GPHN: variants seen among roughly 807,000 people sequenced by gnomAD.
GPHN encodes the protein gephyrin.
A neutral mutation model predicts 95.5 loss-of-function variants in GPHN; 17 were observed. The observed-to-expected ratio is 0.18, with a 90% confidence interval of 0.12 to 0.27. The LOEUF is 0.27. Among genes scored for constraint, GPHN ranks in the 10% least tolerant of loss-of-function variants. The pLI is 1.00. For synonymous variants in GPHN, 320 were observed against 322.5 expected (o/e 0.99, Z 0.08); for missense variants, 660 against 978.1 (o/e 0.67, Z 4.34).
intron 2 of GPHN, among the ~76,000 whole-genome samples, chr14:66,725,866 GGT>G (rs1261347202): frequency 3.9e-5 from 6 of 152,210 alleles, no homozygotes; most frequent in Admixed American, 3.3e-4. Flanking sequence ...ATGCATGCCT[GGT>G]ATTGAAAAAA....
intron 1 of GPHN, among the ~76,000 whole-genome samples, chr14:66,627,153 A>T (rs2063556985): frequency 6.6e-6 from 1 of 152,046 alleles, no homozygotes; most frequent in Non-Finnish European, 1.5e-5. Flanking sequence ...AAGAAATAAA[A>T]CATTACAGAT....
intron 1 of GPHN, among the ~76,000 whole-genome samples, chr14:66,514,897 A>G (rs1328966508): frequency 1.3e-5 from 2 of 152,070 alleles, no homozygotes; most frequent in Non-Finnish European, 2.9e-5. Flanking sequence ...GGTGTAGCTT[A>G]AAAAGGATAG....
At chr14:66,709,226 C>A in intron 2 of GPHN, 2 of 350,976 alleles carry the variant, frequency 5.7e-6, no homozygotes, top group Non-Finnish European at 1.2e-5. Flanking sequence ...CTTTTCTAAA[C>A]AACCATTCTT....
the GPHN span, among the ~76,000 whole-genome samples, chr14:67,519,720 T>TG: frequency 6.6e-6 from 1 of 151,616 alleles, no homozygotes; most frequent in Non-Finnish European, 1.5e-5. Flanking sequence ...GTTTGTTTTT[T>TG]TTTTTTTTTA....
the GPHN span, chr14:67,473,260 A>G: frequency 5.1e-6 from 5 of 988,594 alleles, no homozygotes; most frequent in Non-Finnish European, 7.3e-6. This position sits in a 1 kb window ranked among gnomAD's most constrained non-coding sequence, Gnocchi z 6.5. Flanking sequence ...CGGCCCCCCA[A>G]CACCGGCCCC....
intron 4 of GPHN, among the ~76,000 whole-genome samples, chr14:66,853,069 C>T (rs2062660198): frequency 6.6e-6 from 1 of 152,168 alleles, no homozygotes; most frequent in South Asian, 2.1e-4. Flanking sequence ...GAACCACAGG[C>T]ACTTGATTTT....
At chr14:67,402,110 G>C in the GPHN span, among the ~76,000 whole-genome samples, 1 of 152,078 alleles carries the variant, frequency 6.6e-6, no homozygotes, top group Non-Finnish European at 1.5e-5. Context: ...CTCCAGCCTG[G>C]GTGACAGAGG....
chr14:66,716,451 GTTCT>G (rs58951730), intron 2 of GPHN, among the ~76,000 whole-genome samples: 50,055 of 151,692 alleles, frequency 0.33, 12,157 homozygotes, highest in African/African-American at 0.67. Flanking sequence ...CCATTCTGCA[GTTCT>G]TTCTGTCTTT....
At chr14:66,552,709 C>G (rs2059859151) in intron 1 of GPHN, among the ~76,000 whole-genome samples, 1 of 152,194 alleles carries the variant, frequency 6.6e-6, no homozygotes, top group African/African-American at 2.4e-5. Context: ...AATTCTAGGT[C>G]GATAGCCTTC....
At chr14:66,916,113 G>T in intron 6 of GPHN, 44 bp downstream of exon 6, 2 of 1,307,028 alleles carry the variant, frequency 1.5e-6, no homozygotes, top group South Asian at 1.2e-5. Flanking sequence ...AAGAGCTTTT[G>T]ACCAGCCGTG....
Position 66,815,536 on chromosome 14 carries a change from T to C in GPHN, c.202-8938T>C, listed in dbSNP as rs544633048. ...TCAGTATTCTTAAAAAGAATTCCAA[T>C]CCAGAATTTCATATCCATCCAAACT... On this transcript the variant is annotated intron_variant, in intron 3 of 22. Transcript: ENST00000478722. Among the ~76,000 whole-genome samples the C allele has an allele frequency of 2.0e-5, 3 of 152,166 alleles. No homozygotes were observed. In the South Asian group the frequency reaches 6.2e-4, roughly 32 times the overall value.
At chr14:66,738,893 G>T (rs551825580) in intron 2 of GPHN, among the ~76,000 whole-genome samples, 1 of 151,946 alleles carries the variant, frequency 6.6e-6, no homozygotes, top group South Asian at 2.1e-4. Context: ...TATAATACCA[G>T]GAAATTGATT....
At chr14:67,177,026 A>C (rs1464008983) in intron 21 of GPHN, among the ~76,000 whole-genome samples, 1 of 152,186 alleles carries the variant, frequency 6.6e-6, no homozygotes, top group East Asian at 1.9e-4. Flanking sequence ...TCAAAAAACC[A>C]GCTCCTGGAT....
chr14:67,515,331 T>G, the GPHN span: 1 of 158,928 alleles, frequency 6.3e-6, no homozygotes. Flanking sequence ...TAGTCCCGCA[T>G]TGTGTGTCGG....
At chr14:67,634,179 C>G in the GPHN span, among the ~76,000 whole-genome samples, 1 of 152,266 alleles carries the variant, frequency 6.6e-6, no homozygotes, top group South Asian at 2.1e-4. Context: ...TTTTCCCAAA[C>G]CAGTATTTTG....
chr14:67,590,449 C>A, the GPHN span, among the ~76,000 whole-genome samples: 1 of 152,086 alleles, frequency 6.6e-6, no homozygotes, highest in Non-Finnish European at 1.5e-5. Flanking sequence ...ACCTCTGCAT[C>A]CCGGGTTCAA....
intron 10 of GPHN, among the ~76,000 whole-genome samples, chr14:67,045,648 C>T (rs2074974248): frequency 7.0e-6 from 1 of 143,832 alleles, no homozygotes; most frequent in Non-Finnish European, 1.5e-5. Flanking sequence ...TCTCTCTCTG[C>T]CTCTGTCTCT....
At chr14:67,592,716 C>T in the GPHN span, 21 of 1,585,486 alleles carry the variant, frequency 1.3e-5, no homozygotes, top group African/African-American at 2.7e-4. Flanking sequence ...AAATCACCTT[C>T]TGCTGTAAGA....
the GPHN span, among the ~76,000 whole-genome samples, chr14:67,370,440 T>G: frequency 6.6e-6 from 1 of 152,086 alleles, no homozygotes; most frequent in Non-Finnish European, 1.5e-5. Context: ...TTTGTTTTTT[T>G]AAAAAAGAGC....
Sources: gnomAD v4.1 joint callset for allele counts (sites outside exome capture counted in the v4.1 genomes callset) on GRCh38, gnomAD v4.1.1 for gene constraint, Gnocchi (gnomAD v3.1) non-coding constraint, MANE v1.5 for transcripts, NCBI Gene and HGNC (gene_info 2026-07-23, HGNC 2026-07-21) for gene names.